The following PDE7B variants were observed in gnomAD, a reference collection of about 807,000 sequenced individuals.
PDE7B encodes the protein 3',5'-cyclic-AMP phosphodiesterase 7B.
Under a neutral mutation model 56.2 loss-of-function variants are expected in PDE7B, and 29 were observed. That is an observed-to-expected ratio of 0.52 (90% CI 0.38 to 0.70). The LOEUF (loss-of-function observed/expected upper bound fraction) is 0.70. PDE7B is among the 30% of genes least tolerant of loss of function. PDE7B has a pLI of 0.00. For synonymous variants in PDE7B, 197 were observed against 196.9 expected (o/e 1.00, Z 0.00); for missense variants, 490 against 565.0 (o/e 0.87, Z 1.35).
chr6:135,893,790 T>C (rs1775850694), intron 1 of PDE7B, among the ~76,000 whole-genome samples: 1 of 152,186 alleles, frequency 6.6e-6, no homozygotes, highest in African/African-American at 2.4e-5. Flanking sequence ...TAATCACTTA[T>C]ATAGAAATTA....
intron 8 of PDE7B, chr6:136,155,972 T>C: frequency 1.5e-6 from 1 of 687,996 alleles, no homozygotes. Context: ...TTGAAAGAGG[T>C]TTGAGGAATT....
intron 1 of PDE7B, among the ~76,000 whole-genome samples, chr6:135,919,824 A>G (rs1375170148): frequency 6.6e-6 from 1 of 152,222 alleles, no homozygotes; most frequent in Non-Finnish European, 1.5e-5. Context: ...GAGTTAATAC[A>G]GGACAGAACA....
At chr6:135,935,217 T>TATATATATATATATATATATATATATATA (rs1554268029) in intron 1 of PDE7B, among the ~76,000 whole-genome samples, 4 of 91,172 alleles carry the variant, frequency 4.4e-5, no homozygotes, top group African/African-American at 1.5e-4. Context: ...TATATATATA[T>TATATATATATATATATATATATATATATA]TTTCATGATT....
intron 2 of PDE7B, among the ~76,000 whole-genome samples, chr6:136,072,341 C>A (rs1191784947): frequency 6.6e-6 from 1 of 152,082 alleles, no homozygotes; most frequent in Non-Finnish European, 1.5e-5. Flanking sequence ...TAGCTCATGG[C>A]ATAGCTGATA....
intron 1 of PDE7B, among the ~76,000 whole-genome samples, chr6:135,944,066 C>A (rs1774552511): frequency 6.6e-6 from 1 of 152,168 alleles, no homozygotes; most frequent in Non-Finnish European, 1.5e-5. Flanking sequence ...GATAGAATCC[C>A]TAAGGAGAGA....
chr6:136,074,933 A>C (rs1052539968), intron 2 of PDE7B, among the ~76,000 whole-genome samples: 5 of 152,302 alleles, frequency 3.3e-5, no homozygotes, highest in Non-Finnish European at 7.4e-5. Context: ...TTTTCTTCTG[A>C]ATATATACCT....
At position 136,010,915 on chromosome 6, in the gene PDE7B, G is replaced by T. The variant is rs147622501; in HGVS notation, c.82+63391G>T. ...TGAAAGGCTGCACCGGGTGCTCCCA[G>T]AATTACTGCAAGGGAGGTTCATTCA... On this transcript the variant is annotated intron_variant, in intron 2 of 12. Transcript: ENST00000308191. 7.1e-3 allele frequency among the ~76,000 whole-genome samples: 1,080 copies of T among 152,284 alleles called. 20 individuals carry two copies. The highest frequency in any genetic ancestry group is 0.024 in the African/African-American group (997 of 41,554).
intron 3 of PDE7B, among the ~76,000 whole-genome samples, chr6:136,139,188 C>T (rs1385580030): frequency 6.6e-6 from 1 of 152,130 alleles, no homozygotes; most frequent in Non-Finnish European, 1.5e-5. Flanking sequence ...TCTCATTGTT[C>T]AATTCCCACC....
At chr6:136,137,857 C>T (rs1177907776) in intron 3 of PDE7B, among the ~76,000 whole-genome samples, 1 of 151,884 alleles carries the variant, frequency 6.6e-6, no homozygotes, top group Non-Finnish European at 1.5e-5. Context: ...AAAATTAGCA[C>T]CAAAGTAGTG....
intron 3 of PDE7B, among the ~76,000 whole-genome samples, chr6:136,144,115 C>A (rs1778375266): frequency 6.6e-6 from 1 of 152,138 alleles, no homozygotes; most frequent in South Asian, 2.1e-4. Flanking sequence ...TGATTTCATT[C>A]TATATAGAGC....
chr6:136,039,747 A>G (rs976033072), intron 2 of PDE7B, among the ~76,000 whole-genome samples: 1 of 152,202 alleles, frequency 6.6e-6, no homozygotes, highest in Non-Finnish European at 1.5e-5. Context: ...TGGGAGAAGG[A>G]TGCCCAGGGA....
At chr6:135,944,747 A>G (rs546139536) in intron 1 of PDE7B, among the ~76,000 whole-genome samples, 2 of 152,204 alleles carry the variant, frequency 1.3e-5, no homozygotes, top group Non-Finnish European at 2.9e-5. Context: ...TCCTGTGCCC[A>G]TATTCACACC....
chr6:136,134,116 T>G (rs184708633), intron 3 of PDE7B, among the ~76,000 whole-genome samples: 1 of 152,058 alleles, frequency 6.6e-6, no homozygotes, highest in African/African-American at 2.4e-5. Context: ...AACGAATCCG[T>G]TGGTGGTAGG....
intron 11 of PDE7B, among the ~76,000 whole-genome samples, chr6:136,184,181 A>C (rs1328092829): frequency 6.6e-6 from 1 of 152,232 alleles, no homozygotes; most frequent in Non-Finnish European, 1.5e-5. Flanking sequence ...TTGTACTCTC[A>C]AAGTACTAAT....
intron 2 of PDE7B, among the ~76,000 whole-genome samples, chr6:136,016,440 C>A (rs79606697): frequency 6.6e-6 from 1 of 152,194 alleles, no homozygotes; most frequent in East Asian, 1.9e-4. Flanking sequence ...GTGCTAACTA[C>A]GTACCTGGCA....
intron 1 of PDE7B, among the ~76,000 whole-genome samples, chr6:135,866,444 C>T (rs902522392): frequency 2.8e-4 from 42 of 152,094 alleles, no homozygotes; most frequent in African/African-American, 8.9e-4. Flanking sequence ...AGAGTAATAA[C>T]GTTAGTTTGT....
Position 136,191,663 on chromosome 6 carries a change from C to T in PDE7B, c.1176C>T (p.Phe392=), listed in dbSNP as rs1236215457. The change falls in exon 13 of 13, where the codon TTC becomes TTT. Residue 392 remains phenylalanine (F), a synonymous_variant. Transcript: ENST00000308191. ...CGCTCTTCCGGGAATGGGCCCATTT[C>T]ACGGGTAACAGCACCCTGTCGGAGA... The part of the protein sequence containing the change: ...VEPLFREWAH[F]TGNSTLSENM... 6 of 1,614,132 alleles carry T rather than the reference C, an allele frequency of 3.7e-6. No individual in the cohort carries two copies. The highest frequency in any genetic ancestry group is 5.1e-6 in the Non-Finnish European group (6 of 1,180,006).
At chr6:135,971,080 T>A (rs904385059) in intron 2 of PDE7B, among the ~76,000 whole-genome samples, 1 of 152,088 alleles carries the variant, frequency 6.6e-6, no homozygotes, top group South Asian at 2.1e-4. Flanking sequence ...TACCTCAGAA[T>A]GTGATCTTTT....
At chr6:136,042,805 T>C (rs1362317857) in intron 2 of PDE7B, among the ~76,000 whole-genome samples, 1 of 152,252 alleles carries the variant, frequency 6.6e-6, no homozygotes, top group Non-Finnish European at 1.5e-5. Context: ...TCGATCATTA[T>C]AATCAAGAAG....
Sources: allele counts gnomAD v4.1 joint callset (sites outside exome capture counted in the v4.1 genomes callset), GRCh38; gene constraint gnomAD v4.1.1; transcripts MANE v1.5; gene names NCBI Gene and HGNC (gene_info 2026-07-23, HGNC 2026-07-21).